The following CYTH2 variants were observed in gnomAD, a reference collection of about 807,000 sequenced individuals.
The protein encoded by CYTH2 is cytohesin 2, also known as cytohesin-2.
A neutral mutation model predicts 55.4 loss-of-function variants in CYTH2; 24 were observed. The observed-to-expected ratio is 0.43, with a 90% CI of 0.31 to 0.61. The LOEUF is 0.61. Ranked by LOEUF, CYTH2 falls within the 20% of genes least tolerant of loss-of-function variation. The pLI is 0.08. For synonymous variants in CYTH2, 221 were observed against 209.6 expected, an observed-to-expected ratio of 1.05 and a Z score of -0.47; for missense variants, 378 against 533.5, an observed-to-expected ratio of 0.71 and a Z score of 2.87.
At chr19:48,475,249 C>T (rs1971887666) in intron 8 of CYTH2, 1 of 365,992 alleles carries the variant, frequency 2.7e-6, no homozygotes. Context: ...TGACATTGTC[C>T]TTTCGTGGGA....
rs1197323916 is a variant in CYTH2, at chr19:48,479,984, T to G, written c.*774T>G. 1 of 152,310 alleles carries G rather than the reference T, an allele frequency of 6.6e-6. No homozygotes were observed. Among genetic ancestry groups the G allele is most frequent in the Non-Finnish European group, 1.5e-5 (1 of 68,130 alleles). The allele number at this position is 152,310 out of a possible 1,614,324, so 9.4% of individuals were successfully genotyped here. A position where few individuals can be genotyped will look rare whatever the true frequency, so the allele number is the denominator to read the frequency against. Reference sequence around the variant, plus strand: ...GTCTGTTCTCAAAGGATCAGCCTCCTTTGGAGGACATTTTGTGTCAAGGAT... The same window carrying G: ...GTCTGTTCTCAAAGGATCAGCCTCCGTTGGAGGACATTTTGTGTCAAGGAT... On this transcript the variant is annotated 3_prime_UTR_variant, in exon 12 of 12. Transcript: ENST00000452733.
At chr19:48,469,915 C>G (rs1371194630) in intron 1 of CYTH2, 4 of 564,768 alleles carry the variant, frequency 7.1e-6, no homozygotes, top group Non-Finnish European at 1.4e-5. Flanking sequence ...ACCTTCCCAA[C>G]TCTCCTGAGC....
At chr19:48,471,632 A>G (rs1971797347) in intron 3 of CYTH2, among the ~76,000 whole-genome samples, 2 of 152,250 alleles carry the variant, frequency 1.3e-5, no homozygotes, top group African/African-American at 4.8e-5. Context: ...CGTAGCACAG[A>G]GAGTGAGAGA....
chr19:48,472,471 G>GCCCCACC, intron 4 of CYTH2, 28 bp downstream of exon 4: 1 of 1,584,682 alleles, frequency 6.3e-7, no homozygotes, highest in East Asian at 2.3e-5. Context: ...CTCCTGTGGG[G>GCCCCACC]CCCCTCCCTC....
chr19:48,478,434 C>G lies in CYTH2; in HGVS notation c.958-4C>G. On this transcript the variant is annotated splice_region_variant and splice_polypyrimidine_tract_variant and intron_variant, in intron 10 of 11. Transcript: ENST00000452733. The stretch of plus-strand genomic sequence containing the variant: ...TACCTGCGCCCTTCCTCTCTCGTCC[C>G]CAGAACTGCTTTGAACTTTACATCC... 1 of 1,613,752 alleles carries G rather than the reference C, an allele frequency of 6.2e-7. No homozygotes were observed. The highest frequency in any genetic ancestry group is 8.5e-7 in the Non-Finnish European group (1 of 1,179,750).
intron 4 of CYTH2, 40 bp downstream of exon 4, chr19:48,472,483 C>A: frequency 6.6e-7 from 1 of 1,523,518 alleles, no homozygotes; most frequent in Non-Finnish European, 9.0e-7. Context: ...CCCTCCCTCC[C>A]ACCCCCCAGA....
chr19:48,473,286 C>T lies in CYTH2; in HGVS notation c.354-12C>T, dbSNP rs144551669. The stretch of plus-strand genomic sequence containing the variant: ...TTTCCAAACTGTATGTGTCTTTGTC[C>T]CATCCTTCCAGGGAAGAACTGAACC... On this transcript the variant is annotated splice_polypyrimidine_tract_variant and intron_variant, in intron 4 of 11. Coordinates refer to ENST00000452733, the MANE Select transcript of CYTH2 (RefSeq NM_004228.7). 2.7e-4 allele frequency: 428 copies of T among 1,613,830 alleles called. 1 individual carries two copies. The African/African-American group carries it at 4.2e-3, about 16-fold the overall frequency.
rs1189660072 is a variant in CYTH2, at chr19:48,474,722, C to T, written c.697-116C>T. 9 of 839,056 alleles carry T rather than the reference C, an allele frequency of 1.1e-5. No homozygotes were observed. The highest frequency in any genetic ancestry group is 6.8e-5 in the African/African-American group (4 of 58,682). The allele number at this position is 839,056 out of a possible 1,614,324, so 52.0% of individuals were successfully genotyped here. A position where few individuals can be genotyped will look rare whatever the true frequency, so the allele number is the denominator to read the frequency against. ...TTTCACTTCCCTCTCCTCCCCACTA[C>T]CCCTCTCTCTTCCCCACTATGAGTC... On this transcript the variant is annotated intron_variant, in intron 7 of 11. Coordinates refer to ENST00000452733, the MANE Select transcript of CYTH2 (RefSeq NM_004228.7). This position sits in a 1 kb window ranked among gnomAD's most constrained non-coding sequence, Gnocchi z 4.9.
chr19:48,478,013 C>G (rs934745483), intron 8 of CYTH2, 56 bp from the exon 9 acceptor site: 9 of 1,466,038 alleles, frequency 6.1e-6, no homozygotes, highest in Non-Finnish European at 8.6e-6. Context: ...CTCCCATCTC[C>G]CAGAGGCCCT....
rs1972050371 is a variant in CYTH2, at chr19:48,481,904, T to C, written c.*2694T>C. 1.9e-5 allele frequency: 1 copy of C among 53,012 alleles called. No individual in the cohort carries two copies. Among genetic ancestry groups the C allele is most frequent in the African/African-American group, 9.0e-5 (1 of 11,106 alleles). 3.3% of individuals were successfully genotyped at this position (53,012 alleles called of 1,614,324 possible). A position where few individuals can be genotyped will look rare whatever the true frequency, so the allele number is the denominator to read the frequency against. ...ATTCGAGCCCCAGTGTGGCAGGTGTTGGGATGTGGGGCCTCATAAGGAGCT... is the reference window on the plus strand; with the variant it reads ...ATTCGAGCCCCAGTGTGGCAGGTGTCGGGATGTGGGGCCTCATAAGGAGCT... On this transcript the variant is annotated 3_prime_UTR_variant, in exon 12 of 12. Transcript: ENST00000452733.
chr19:48,471,870 T>C (rs1971803938), intron 3 of CYTH2, among the ~76,000 whole-genome samples: 1 of 152,122 alleles, frequency 6.6e-6, no homozygotes, highest in African/African-American at 2.4e-5. Flanking sequence ...GGCAGCATAG[T>C]GATAACTCAT....
At position 48,473,324 on chromosome 19, in the gene CYTH2, A is replaced by G. The variant is rs1016381083; in HGVS notation, c.380A>G (p.His127Arg). Residue 127 changes from histidine (H) to arginine (R), a missense_variant, in exon 5 of 12, where the codon CAT becomes CGT. Physicochemically the swap from His to Arg is conservative, Grantham distance 29. Transcript: ENST00000452733. ...GAAGAACTGAACCTGGCAGTGCTCC[A>G]TGCTTTTGTGGATCTGCATGAGTTC... is the stretch of plus-strand genomic sequence containing the variant. ...EREELNLAVLHAFVDLHEFTD... is the reference protein window; with the variant it reads ...EREELNLAVLRAFVDLHEFTD... The G allele has an allele frequency of 6.2e-6, 10 of 1,613,964 alleles. No homozygotes were observed. The highest frequency in any genetic ancestry group is 8.5e-6 in the Non-Finnish European group (10 of 1,179,986).
rs1055451117 is a variant in CYTH2, at chr19:48,475,117, G to T, written c.808+168G>T. The T allele has an allele frequency of 4.8e-6, 3 of 622,724 alleles. No individual in the cohort carries two copies. The East Asian group carries it at 8.5e-5, about 18-fold the overall frequency. The allele number at this position is 622,724 out of a possible 1,614,324, so 38.6% of individuals were successfully genotyped here. On this transcript the variant is annotated intron_variant, in intron 8 of 11. Coordinates refer to ENST00000452733, the MANE Select transcript of CYTH2 (RefSeq NM_004228.7). ...AAAATGGGGCTGAAAATAAAATCAG[G>T]CCTGTGTGCTGGGCCTGGCCTGTAG... is the stretch of plus-strand genomic sequence containing the variant.
chr19:48,472,363 C>T lies in CYTH2; in HGVS notation c.273C>T (p.Asn91=). The T allele has an allele frequency of 6.2e-7, 1 of 1,614,052 alleles. No individual in the cohort carries two copies. The highest frequency in any genetic ancestry group is 8.5e-7 in the Non-Finnish European group (1 of 1,180,016). Residue 91 remains asparagine, a synonymous_variant, in exon 4 of 12, where the codon AAC becomes AAT. Coordinates refer to ENST00000452733, the MANE Select transcript of CYTH2 (RefSeq NM_004228.7). ...TGGTGGAGAATGAACTGCTGCAGAA[C>T]ACACCCGAGGAGATCGCCCGCTTCC... ...QFLVENELLQ[N]TPEEIARFLY...
chr19:48,481,964 TTAA>T lies in CYTH2; in HGVS notation c.*2756_*2758del. On this transcript the variant is annotated 3_prime_UTR_variant, in exon 12 of 12. Coordinates refer to ENST00000452733, the MANE Select transcript of CYTH2 (RefSeq NM_004228.7). Reference sequence around the variant, plus strand: ...TGGAGGTGGAGTCCTCATGGATAGATTAATGCCTGCCTTAAGGGGTGAGTGAGT... The same window carrying T: ...TGGAGGTGGAGTCCTCATGGATAGATTGCCTGCCTTAAGGGGTGAGTGAGT... 1 of 152,458 alleles carries T rather than the reference TTAA, an allele frequency of 6.6e-6. No individual in the cohort carries two copies. The highest frequency in any genetic ancestry group is 2.4e-5 in the African/African-American group (1 of 41,536). The allele number at this position is 152,458 out of a possible 1,614,324, so 9.4% of individuals were successfully genotyped here.
At chr19:48,472,060 A>G (rs1320874203) in intron 3 of CYTH2, among the ~76,000 whole-genome samples, 1 of 152,158 alleles carries the variant, frequency 6.6e-6, no homozygotes, top group Non-Finnish European at 1.5e-5. Flanking sequence ...TCTCAGAAAA[A>G]AGAGAAAATG....
In CYTH2 at chr19:48,478,925, G is replaced by A. The variant is rs368302335; in HGVS notation, c.1113-198G>A. Among the ~76,000 whole-genome samples, 19 of 149,730 alleles carry A rather than the reference G, an allele frequency of 1.3e-4. No homozygotes were observed. The South Asian group carries it at 3.8e-3, about 30-fold the overall frequency. On this transcript the variant is annotated intron_variant, in intron 11 of 11. Transcript: ENST00000452733. ...GGGTGTGAGGGAGGAGGGGCCGGGG[G>A]CCTGGACTCCTGGGTCTGAGGGAGG...
Position 48,475,174 on chromosome 19 carries a change from C to A in CYTH2, c.808+225C>A. On this transcript the variant is annotated intron_variant, in intron 8 of 11. Coordinates refer to ENST00000452733, the MANE Select transcript of CYTH2 (RefSeq NM_004228.7). Reference sequence around the variant, plus strand: ...CTTCCCAACCCCTTCTCTTGACCCACAAATGTTGATGGAGCCCTTCTGTGC... The same window carrying A: ...CTTCCCAACCCCTTCTCTTGACCCAAAAATGTTGATGGAGCCCTTCTGTGC... 7.6e-6 allele frequency: 4 copies of A among 526,298 alleles called. No homozygotes were observed. The South Asian group carries it at 1.0e-4, about 14-fold the overall frequency. 32.6% of individuals were successfully genotyped at this position (526,298 alleles called of 1,614,324 possible).
intron 4 of CYTH2, 25 bp downstream of exon 4, chr19:48,472,468 G>A: frequency 6.2e-7 from 1 of 1,600,178 alleles, no homozygotes; most frequent in Non-Finnish European, 8.5e-7. Context: ...CAGCTCCTGT[G>A]GGGCCCCTCC....
Sources: gnomAD v4.1 joint callset for allele counts (sites outside exome capture counted in the v4.1 genomes callset) on GRCh38, gnomAD v4.1.1 for gene constraint, Gnocchi (gnomAD v3.1) non-coding constraint, MANE v1.5 for transcripts, NCBI Gene and HGNC (gene_info 2026-07-23, HGNC 2026-07-21) for gene names.